The following ZNF423 variants were observed in gnomAD, a reference collection of about 807,000 sequenced individuals.
ZNF423 encodes the protein zinc finger protein 423, also known as Ebf-associated zinc finger protein.
ZNF423 carries 12 observed loss-of-function variants against 95.8 expected under a neutral mutation model. That is an observed-to-expected ratio of 0.13 (90% CI 0.08 to 0.20). The LOEUF (loss-of-function observed/expected upper bound fraction) is 0.20, where lower values mean the gene tolerates loss of function less well. Ranked by LOEUF, ZNF423 falls within the 10% of genes least tolerant of loss-of-function variation. The probability of loss-of-function intolerance (pLI) is 1.00; values close to 1 mark genes in which losing one functional copy is unlikely to be tolerated. For missense variants in ZNF423, 1,316 were observed against 1,737.1 expected (o/e 0.76, Z 4.31); for synonymous variants, 749 against 711.9 (o/e 1.05, Z -0.83).
intron 7 of ZNF423, among the ~76,000 whole-genome samples, 160 bp from the exon 8 acceptor site, chr16:49,491,464 A>C (rs1260203962): frequency 1.3e-5 from 2 of 152,036 alleles, no homozygotes; most frequent in African/African-American, 4.8e-5. Context: ...CGCAGCTGCC[A>C]AGACGCCACG....
In ZNF423 at chr16:49,637,259, C is replaced by T. The variant is rs1319462017; in HGVS notation, c.1917G>A (p.Glu639=). The T allele has an allele frequency of 2.5e-6, 4 of 1,614,164 alleles. No individual in the cohort carries two copies. Among genetic ancestry groups the T allele is most frequent in the African/African-American group, 1.3e-5 (1 of 75,064 alleles). The change falls in exon 4 of 8, where the codon GAG becomes GAA. Residue 639 remains glutamate (E), a synonymous_variant. Coordinates refer to ENST00000563137, the MANE Select transcript of ZNF423 (RefSeq NM_001379286.1). The surrounding 1 kb of genome is among the most constrained non-coding windows in gnomAD (Gnocchi z 5.6). ...TGAGGTCGCATTGATTGCAAGGATA[C>T]TCCCCATTGGAGATGGAGTTGGCGC... ...SASANSISNG[E]YPCNQCDLKF... is the part of the protein sequence containing the mutation.
chr16:49,618,834 C>T (rs1431894339), intron 5 of ZNF423, among the ~76,000 whole-genome samples: 2 of 152,004 alleles, frequency 1.3e-5, no homozygotes, highest in African/African-American at 4.8e-5. Flanking sequence ...CTAACTTCTC[C>T]CCCTCCCATG....
At chr16:49,800,061 T>C (rs1163003841) in intron 1 of ZNF423, among the ~76,000 whole-genome samples, 2 of 152,118 alleles carry the variant, frequency 1.3e-5, no homozygotes, top group Admixed American at 6.5e-5. Context: ...CTGGCCAACA[T>C]GGCAAAACCC....
intron 5 of ZNF423, among the ~76,000 whole-genome samples, chr16:49,604,452 A>G (rs1389411120): frequency 6.6e-6 from 1 of 152,032 alleles, no homozygotes; most frequent in Admixed American, 6.6e-5. Context: ...GCCCACGGGC[A>G]CCTGCCTTGA....
At chr16:49,845,061 A>G (rs953669490) in intron 1 of ZNF423, among the ~76,000 whole-genome samples, 1 of 143,244 alleles carries the variant, frequency 7.0e-6, no homozygotes, top group African/African-American at 2.5e-5. Context: ...AAAAAAAAAA[A>G]AACAAATCTT....
chr16:49,527,984 G>A (rs1968680319), intron 5 of ZNF423, among the ~76,000 whole-genome samples: 1 of 152,120 alleles, frequency 6.6e-6, no homozygotes, highest in Admixed American at 6.5e-5. Context: ...CTTGATTCAT[G>A]TAACCATGTG....
At chr16:49,634,945 G>A (rs1972633072) in intron 4 of ZNF423, among the ~76,000 whole-genome samples, 1 of 152,184 alleles carries the variant, frequency 6.6e-6, no homozygotes, top group African/African-American at 2.4e-5. Context: ...GTTCTCCTTG[G>A]CTCCCAGGCA....
chr16:49,605,188 G>C (rs193055305), intron 5 of ZNF423, among the ~76,000 whole-genome samples: 44 of 152,270 alleles, frequency 2.9e-4, no homozygotes, highest in Middle Eastern at 3.4e-3. Flanking sequence ...GTATCGACCA[G>C]AATTTCCCAG....
In ZNF423 at chr16:49,753,438, G is replaced by GA. The variant is rs35833357; in HGVS notation, c.101-22468dup. On this transcript the variant is annotated intron_variant, in intron 2 of 7. Coordinates refer to ENST00000563137, the MANE Select transcript of ZNF423 (RefSeq NM_001379286.1). ...GCAACATAGCAAGACCCTGTCTACA[G>GA]AAAAAAAAAAAAAAATTAGCCAGGC... Among the ~76,000 whole-genome samples, 1,306 of 130,846 alleles carry GA rather than the reference G, an allele frequency of 1.0e-2. 9 individuals are homozygous for GA. Among genetic ancestry groups the GA allele is most frequent in the African/African-American group, 0.029 (1,003 of 35,046 alleles). 85.8% of individuals were successfully genotyped at this position (130,846 alleles called of 152,430 possible).
At chr16:49,850,613 G>C (rs2035292496) in intron 1 of ZNF423, among the ~76,000 whole-genome samples, 1 of 152,196 alleles carries the variant, frequency 6.6e-6, no homozygotes, top group South Asian at 2.1e-4. Context: ...CCAGTGGCCA[G>C]GAAAGCCAAG....
At chr16:49,535,868 C>T (rs1020155032) in intron 5 of ZNF423, among the ~76,000 whole-genome samples, 8 of 152,282 alleles carry the variant, frequency 5.3e-5, no homozygotes, top group Middle Eastern at 3.4e-3. Flanking sequence ...AAGACGATTG[C>T]CTAAACATCC....
At chr16:49,560,689 A>G (rs1567468468) in intron 5 of ZNF423, among the ~76,000 whole-genome samples, 2 of 152,154 alleles carry the variant, frequency 1.3e-5, no homozygotes, top group African/African-American at 4.8e-5. Flanking sequence ...AACTCTTTTC[A>G]TGTATATTCC....
chr16:49,602,694 C>T (rs1377216729), intron 5 of ZNF423, among the ~76,000 whole-genome samples: 2 of 152,174 alleles, frequency 1.3e-5, no homozygotes, highest in Admixed American at 1.3e-4. Flanking sequence ...TTCCAGCATG[C>T]AGGAATTGCT....
At chr16:49,645,526 C>T (rs1178649955) in intron 3 of ZNF423, among the ~76,000 whole-genome samples, 1 of 152,178 alleles carries the variant, frequency 6.6e-6, no homozygotes, top group Non-Finnish European at 1.5e-5. Context: ...AGAGGAGTCT[C>T]CTGACTCCCA....
At chr16:49,539,625 C>T (rs1310727602) in intron 5 of ZNF423, among the ~76,000 whole-genome samples, 2 of 152,158 alleles carry the variant, frequency 1.3e-5, no homozygotes, top group Admixed American at 6.5e-5. Flanking sequence ...ATTAATATCA[C>T]TGTCATGGTT....
intron 2 of ZNF423, among the ~76,000 whole-genome samples, chr16:49,782,520 G>A (rs138944438): frequency 0.012 from 1,876 of 152,338 alleles, 26 homozygotes; most frequent in Middle Eastern, 0.027. Flanking sequence ...CTCAGGCTGC[G>A]GGTCCATCAC....
chr16:49,665,339 A>C (rs1353026725), intron 3 of ZNF423, among the ~76,000 whole-genome samples: 1 of 152,178 alleles, frequency 6.6e-6, no homozygotes, highest in Non-Finnish European at 1.5e-5. Context: ...GGTGAGCCAC[A>C]CTGGCAGCTC....
intron 5 of ZNF423, among the ~76,000 whole-genome samples, chr16:49,607,105 G>A (rs1390104251): frequency 1.4e-5 from 2 of 143,834 alleles, no homozygotes; most frequent in African/African-American, 5.3e-5. Context: ...GATCTTGACA[G>A]TTGAGAGAGT....
intron 3 of ZNF423, among the ~76,000 whole-genome samples, chr16:49,693,992 T>C (rs1567294760): frequency 6.6e-6 from 1 of 152,360 alleles, no homozygotes; most frequent in East Asian, 1.9e-4. Flanking sequence ...GGTCAGTAAC[T>C]TAGTCAAGCT....
Sources: allele counts gnomAD v4.1 joint callset (sites outside exome capture counted in the v4.1 genomes callset), GRCh38; gene constraint gnomAD v4.1.1; non-coding constraint Gnocchi (gnomAD v3.1); transcripts MANE v1.5; gene names NCBI Gene and HGNC (gene_info 2026-07-23, HGNC 2026-07-21).